Variants in TRMT2B observed in about 807,000 individuals in gnomAD.
The protein encoded by TRMT2B is tRNA methyltransferase 2B, also known as tRNA (uracil-5-)-methyltransferase homolog B.
In TRMT2B, 34 loss-of-function variants were observed where a neutral mutation model predicts 39.7. That is an observed-to-expected ratio of 0.86 (90% CI 0.65 to 1.14). TRMT2B has a LOEUF of 1.14. Among genes scored for constraint, TRMT2B ranks in the 50% most tolerant of loss-of-function variants. The probability of loss-of-function intolerance (pLI) is 0.00; values close to 1 mark genes in which losing one functional copy is unlikely to be tolerated. For synonymous variants in TRMT2B, 132 were observed against 137.3 expected, an observed-to-expected ratio of 0.96 and a Z score of 0.27; for missense variants, 318 against 377.2, an observed-to-expected ratio of 0.84 and a Z score of 1.30.
At chrX:101,033,161 CAGG>C (rs1452045355) in intron 7 of TRMT2B, among the ~76,000 whole-genome samples, 3 of 106,702 alleles carry the variant, frequency 2.8e-5, no homozygotes, top group African/African-American at 1.0e-4. Context: ...GAGGCTGAGG[CAGG>C]AGAATTGCTT....
the TRMT2B span, chrX:100,987,333 C>G: frequency 2.6e-6 from 3 of 1,136,476 alleles, no homozygotes; most frequent in Non-Finnish European, 3.5e-6. Context: ...ACTGGTTCTG[C>G]GGGCCCCAGG....
rs755403184 is a variant in TRMT2B at position 101,022,731 on chromosome X, A to C, written c.757-669T>G. ...AAGATTGCTTGAGCCCAGCAGTTTG[A>C]GGCTACAGTGAGCTTTGATTGCACC... On this transcript the variant is annotated intron_variant, in intron 8 of 13. Transcript: ENST00000372936. 6.9e-4 allele frequency among the ~76,000 whole-genome samples: 77 copies of C among 111,287 alleles called. 2 individuals carry two copies. The highest frequency in any genetic ancestry group is 2.3e-3 in the African/African-American group (71 of 30,691).
At chrX:101,029,164 C>T (rs754288873) in intron 7 of TRMT2B, among the ~76,000 whole-genome samples, 1 of 111,185 alleles carries the variant, frequency 9.0e-6, no homozygotes, top group Non-Finnish European at 1.9e-5. Context: ...GCCAGCCACA[C>T]GCTCATCTTG....
At chrX:100,985,805 A>G in the TRMT2B span, 2 of 1,209,801 alleles carry the variant, frequency 1.7e-6, no homozygotes, top group South Asian at 1.8e-5. Flanking sequence ...GCACAGGCCC[A>G]TGGGCTTGTT....
At chrX:100,991,206 A>G in the TRMT2B span, among the ~76,000 whole-genome samples, 1 of 111,484 alleles carries the variant, frequency 9.0e-6, no homozygotes, top group Non-Finnish European at 1.9e-5. Flanking sequence ...GAAACATTCC[A>G]ATGAGCATGT....
the TRMT2B span, among the ~76,000 whole-genome samples, chrX:100,984,102 T>C: frequency 1.4e-4 from 15 of 103,838 alleles, no homozygotes; most frequent in South Asian, 4.1e-4. Flanking sequence ...TTTTCCTTCT[T>C]TTTTTTTTGT....
the TRMT2B span, among the ~76,000 whole-genome samples, chrX:101,001,869 A>G: frequency 9.2e-6 from 1 of 108,844 alleles, no homozygotes; most frequent in Non-Finnish European, 1.9e-5. Context: ...CTTTGCCACT[A>G]TTGTGCCAGA....
chrX:101,030,976 AT>A (rs761961934), intron 7 of TRMT2B, among the ~76,000 whole-genome samples: 243 of 101,448 alleles, frequency 2.4e-3, no homozygotes, highest in Middle Eastern at 0.011. Context: ...AAGCCTCACT[AT>A]TTTTTTTTTT....
At chrX:101,020,183 G>A (rs755024766) in intron 11 of TRMT2B, among the ~76,000 whole-genome samples, 6 of 111,760 alleles carry the variant, frequency 5.4e-5, no homozygotes, top group African/African-American at 1.9e-4. Context: ...ATAAGGCCTC[G>A]TGAGTCTAAT....
At chrX:101,028,020 C>T (rs1172630485) in intron 7 of TRMT2B, among the ~76,000 whole-genome samples, 2 of 108,700 alleles carry the variant, frequency 1.8e-5, no homozygotes, top group Non-Finnish European at 3.8e-5. Flanking sequence ...TATACATATA[C>T]TTGGGATACC....
chrX:101,043,215 G>A (rs758654117), intron 2 of TRMT2B, among the ~76,000 whole-genome samples: 23 of 107,274 alleles, frequency 2.1e-4, no homozygotes, highest in Non-Finnish European at 3.7e-4. Context: ...GCAGTCAGCC[G>A]AGATTGCGCC....
intron 7 of TRMT2B, among the ~76,000 whole-genome samples, chrX:101,029,978 G>C (rs2087344515): frequency 9.0e-6 from 1 of 111,676 alleles, no homozygotes; most frequent in Non-Finnish European, 1.9e-5. Flanking sequence ...GGCAAATGTT[G>C]GCCAGGTGCA....
At chrX:100,975,646 T>TC in the TRMT2B span, among the ~76,000 whole-genome samples, 1 of 105,100 alleles carries the variant, frequency 9.5e-6, no homozygotes, top group Non-Finnish European at 1.9e-5. Flanking sequence ...TTTTTTTTTT[T>TC]CTCTGAGACA....
chrX:100,995,780 G>A, the TRMT2B span, among the ~76,000 whole-genome samples: 1 of 112,075 alleles, frequency 8.9e-6, no homozygotes, highest in African/African-American at 3.2e-5. Context: ...CACTGTGTGG[G>A]TGGAAACCAG....
the TRMT2B span, among the ~76,000 whole-genome samples, chrX:100,994,349 G>A: frequency 8.9e-6 from 1 of 111,825 alleles, no homozygotes; most frequent in Non-Finnish European, 1.9e-5. Flanking sequence ...TCTCCAAGAT[G>A]TTTAGAATGT....
chrX:100,982,939 T>C, the TRMT2B span, among the ~76,000 whole-genome samples: 2 of 110,707 alleles, frequency 1.8e-5, no homozygotes, highest in African/African-American at 6.6e-5. Flanking sequence ...TTGTTAACCA[T>C]AGGGAGTTCA....
At position 101,032,060 on chromosome X, in the gene TRMT2B, T is replaced by C. The variant is rs143833051; in HGVS notation, c.609+3553A>G. Among the ~76,000 whole-genome samples, 71 of 107,785 alleles carry C rather than the reference T, an allele frequency of 6.6e-4. 1 individual carries two copies. The highest frequency in any genetic ancestry group is 1.1e-3 in the Non-Finnish European group (55 of 51,968). 93.6% of individuals were successfully genotyped at this position (107,785 alleles called of 115,157 possible). A position where few individuals can be genotyped will look rare whatever the true frequency, so the allele number is the denominator to read the frequency against. Reference sequence around the variant, plus strand: ...CAGCACTTTGGGAGGCCAAGGTGGGTAGATCATTTGAGGTCAGGAGTTCTA... The same window carrying C: ...CAGCACTTTGGGAGGCCAAGGTGGGCAGATCATTTGAGGTCAGGAGTTCTA... On this transcript the variant is annotated intron_variant, in intron 7 of 13. Transcript: ENST00000372936.
At chrX:100,997,702 C>T in the TRMT2B span, among the ~76,000 whole-genome samples, 1 of 112,017 alleles carries the variant, frequency 8.9e-6, no homozygotes, top group Non-Finnish European at 1.9e-5. Context: ...ACATGTCTTA[C>T]ATTAGCACTT....
At chrX:100,973,974 C>T in the TRMT2B span, among the ~76,000 whole-genome samples, 1 of 111,677 alleles carries the variant, frequency 9.0e-6, no homozygotes, top group Non-Finnish European at 1.9e-5. Flanking sequence ...GCTCCCATAC[C>T]ACCTTCTACT....
Sources: gnomAD v4.1 joint callset for allele counts (sites outside exome capture counted in the v4.1 genomes callset) on GRCh38, gnomAD v4.1.1 for gene constraint, MANE v1.5 for transcripts, NCBI Gene and HGNC (gene_info 2026-07-23, HGNC 2026-07-21) for gene names.